Variants in TOMM20L observed in about 807,000 individuals in gnomAD.
TOMM20L encodes the protein TOMM20-like protein 1.
Under a neutral mutation model 20.4 loss-of-function variants are expected in TOMM20L, and 19 were observed. That is an observed-to-expected ratio of 0.93 (90% CI 0.65 to 1.36). The LOEUF (loss-of-function observed/expected upper bound fraction) is 1.36, where lower values mean the gene tolerates loss of function less well. Ranked by LOEUF, TOMM20L falls within the 40% of genes most tolerant of loss-of-function variation. The pLI is 0.00. For synonymous variants in TOMM20L, 75 were observed against 79.6 expected (o/e 0.94, Z 0.30); for missense variants, 218 against 203.7 (o/e 1.07, Z -0.43).
Position 58,395,988 on chromosome 14 carries a change from TTGGCCGCCGCGGCGGCCTG to T in TOMM20L, c.36_54del (p.Ala13ProfsTer84). The T allele has an allele frequency of 6.9e-7, 1 of 1,453,736 alleles. No individual in the cohort carries two copies. Among genetic ancestry groups the T allele is most frequent in the Non-Finnish European group, 9.1e-7 (1 of 1,095,988 alleles). 90.1% of individuals were successfully genotyped at this position (1,453,736 alleles called of 1,614,324 possible). ...CTCCGTCCGCTCCCTCCTCCGCCTC[TTGGCCGCCGCGGCGGCCTG>T]TGGCGCCTTCGCCTTCCTGGGCTAT... On this transcript the variant is annotated frameshift_variant, in exon 1 of 5. Coordinates refer to ENST00000360945, the MANE Select transcript of TOMM20L (RefSeq NM_207377.3). LOFTEE classifies it high-confidence loss of function.
chr14:58,407,290 T>G, intron 3 of TOMM20L, 36 bp from the exon 4 acceptor site: 1 of 1,560,744 alleles, frequency 6.4e-7, no homozygotes, highest in Non-Finnish European at 8.6e-7. Flanking sequence ...TTAAAGAACT[T>G]CAAAATTTTG....
intron 3 of TOMM20L, 26 bp from the exon 4 acceptor site, chr14:58,407,300 G>A (rs1245030228): frequency 1.3e-6 from 2 of 1,565,446 alleles, no homozygotes; most frequent in Non-Finnish European, 1.7e-6. Context: ...TCAAAATTTT[G>A]CTCAAAACTT....
chr14:58,409,142 C>T (rs200148058), downstream of TOMM20L: 11 of 1,613,560 alleles, frequency 6.8e-6, no homozygotes, highest in Non-Finnish European at 8.5e-6. Flanking sequence ...TTAAATATTT[C>T]TGTAAGCAAT....
downstream of TOMM20L, among the ~76,000 whole-genome samples, chr14:58,409,769 G>A (rs985642802): frequency 2.0e-5 from 3 of 151,546 alleles, no homozygotes; most frequent in African/African-American, 2.4e-5. Flanking sequence ...TAGTAGAGAC[G>A]GGGTTTCACT....
Position 58,396,052 on chromosome 14 carries a change from A to G in TOMM20L, c.95A>G (p.Lys32Arg). 1 of 1,420,684 alleles carries G rather than the reference A, an allele frequency of 7.0e-7. No individual in the cohort carries two copies. Among genetic ancestry groups the G allele is most frequent in the Non-Finnish European group, 9.2e-7 (1 of 1,082,464 alleles). The allele number at this position is 1,420,684 out of a possible 1,614,324, so 88.0% of individuals were successfully genotyped here. Residue 32 changes from lysine to arginine, a missense_variant, in exon 1 of 5, where the codon AAG (lysine) becomes AGG (arginine). Transcript: ENST00000360945. Reference protein sequence around the residue: ...FLGYCIYLNRKRRGDPAFKRR... With the variant: ...FLGYCIYLNRRRRGDPAFKRR... ...GGCTATTGTATTTACCTCAACCGGA[A>G]GCGGCGCGGGGACCCCGCGTTCAAG... is the stretch of plus-strand genomic sequence containing the variant.
chr14:58,401,167 T>G (rs769747846), intron 2 of TOMM20L, among the ~76,000 whole-genome samples: 9 of 152,190 alleles, frequency 5.9e-5, no homozygotes, highest in Non-Finnish European at 1.3e-4. Context: ...GGTCTCCAAT[T>G]CCTTCCAGCT....
chr14:58,404,093 A>ATATGTGTGTG (rs1425916056), intron 3 of TOMM20L, among the ~76,000 whole-genome samples: 2 of 2,974 alleles, frequency 6.7e-4, no homozygotes, highest in Non-Finnish European at 0.013. Flanking sequence ...ATATATACAT[A>ATATGTGTGTG]TATATGTATA....
At chr14:58,409,068 G>C (rs778415722), downstream of TOMM20L, 9 of 1,613,812 alleles carry the variant, frequency 5.6e-6, no homozygotes, top group Admixed American at 1.5e-4. Flanking sequence ...TGCTTTGGCT[G>C]CCAGGGCTTC....
chr14:58,402,805 T>C, intron 3 of TOMM20L, 44 bp downstream of exon 3: 2 of 1,368,228 alleles, frequency 1.5e-6, no homozygotes, highest in Non-Finnish European at 2.1e-6. Flanking sequence ...CAGCTTATAC[T>C]TGAGAAATAT....
chr14:58,397,360 G>T (rs2140298983), intron 2 of TOMM20L, among the ~76,000 whole-genome samples: 1 of 152,302 alleles, frequency 6.6e-6, no homozygotes, highest in South Asian at 2.1e-4. Context: ...AGAGCAGATG[G>T]TACCACTTCT....
chr14:58,402,300 T>C (rs561346363), intron 2 of TOMM20L, among the ~76,000 whole-genome samples: 3 of 152,210 alleles, frequency 2.0e-5, no homozygotes, highest in Non-Finnish European at 2.9e-5. Context: ...CCTTTCTTTC[T>C]TTTTTGTGAT....
At chr14:58,412,901 A>AAAT (rs1010906134), downstream of TOMM20L, among the ~76,000 whole-genome samples, 5 of 151,988 alleles carry the variant, frequency 3.3e-5, no homozygotes, top group East Asian at 5.8e-4. Context: ...ACTCCATCTC[A>AAAT]AATAATAATA....
intron 2 of TOMM20L, among the ~76,000 whole-genome samples, chr14:58,401,303 G>A (rs2035989604): frequency 6.6e-6 from 1 of 152,162 alleles, no homozygotes; most frequent in African/African-American, 2.4e-5. Flanking sequence ...TGGGCATGGT[G>A]GCTCACGCCT....
At chr14:58,403,307 A>G (rs1594998118) in intron 3 of TOMM20L, among the ~76,000 whole-genome samples, 1 of 152,188 alleles carries the variant, frequency 6.6e-6, no homozygotes, top group East Asian at 1.9e-4. Flanking sequence ...GCAGTGAGCC[A>G]TCATCTTGCC....
At chr14:58,405,292 A>G (rs1198047148) in intron 3 of TOMM20L, among the ~76,000 whole-genome samples, 1 of 152,026 alleles carries the variant, frequency 6.6e-6, no homozygotes, top group Non-Finnish European at 1.5e-5. Context: ...TGTACTCATA[A>G]TTTTATATTC....
At chr14:58,408,433 G>T (rs997578978) in intron 4 of TOMM20L, 96 bp from the exon 5 acceptor site, 140 of 901,992 alleles carry the variant, frequency 1.6e-4, no homozygotes, top group Non-Finnish European at 2.0e-4. Context: ...AAAAAAAAAA[G>T]AAAAGTATAT....
At chr14:58,412,988 C>T (rs2036270410), downstream of TOMM20L, among the ~76,000 whole-genome samples, 1 of 151,948 alleles carries the variant, frequency 6.6e-6, no homozygotes, top group Non-Finnish European at 1.5e-5. Flanking sequence ...TTAACTATTC[C>T]ACTAGTCACC....
intron 2 of TOMM20L, 87 bp downstream of exon 2, chr14:58,396,428 A>C: frequency 1.4e-6 from 2 of 1,479,380 alleles, no homozygotes; most frequent in South Asian, 1.2e-5. Flanking sequence ...GCTCGGCAGC[A>C]GGTAGTTAGT....
chr14:58,414,184 G>T, the TOMM20L span, among the ~76,000 whole-genome samples: 2 of 151,820 alleles, frequency 1.3e-5, no homozygotes, highest in African/African-American at 4.8e-5. Context: ...ATGATAAACT[G>T]GATGTGCAAA....
Sources: allele counts gnomAD v4.1 joint callset (sites outside exome capture counted in the v4.1 genomes callset), GRCh38; gene constraint gnomAD v4.1.1; transcripts MANE v1.5; gene names NCBI Gene and HGNC (gene_info 2026-07-23, HGNC 2026-07-21).